The following TLE4 variants were observed in gnomAD, a reference collection of about 807,000 sequenced individuals.
The protein encoded by TLE4 is transducin-like enhancer protein 4.
TLE4 carries 8 observed loss-of-function variants against 92.8 expected under a neutral mutation model. The observed-to-expected ratio is 0.09, with a 90% CI of 0.05 to 0.16. The LOEUF (loss-of-function observed/expected upper bound fraction) is 0.16, where lower values mean the gene tolerates loss of function less well. TLE4 is among the 10% of genes least tolerant of loss of function. The pLI, the probability that TLE4 is intolerant of heterozygous loss-of-function variation, is 1.00. For missense variants in TLE4, 675 were observed against 997.6 expected (o/e 0.68, Z 4.36); for synonymous variants, 371 against 374.1 (o/e 0.99, Z 0.10).
intron 8 of TLE4, among the ~76,000 whole-genome samples, chr9:79,697,779 T>C (rs752359123): frequency 1.3e-5 from 2 of 152,138 alleles, no homozygotes; most frequent in Non-Finnish European, 2.9e-5. Context: ...AAACAGAACA[T>C]GAATGAATTA....
chr9:79,628,535 G>C (rs929755258), intron 6 of TLE4, among the ~76,000 whole-genome samples: 5 of 150,950 alleles, frequency 3.3e-5, no homozygotes, highest in African/African-American at 1.2e-4. Flanking sequence ...ATTGTAGCTT[G>C]TTTTTTAATG....
At chr9:79,632,035 T>TTC (rs1333784353) in intron 6 of TLE4, among the ~76,000 whole-genome samples, 1 of 152,168 alleles carries the variant, frequency 6.6e-6, no homozygotes, top group Non-Finnish European at 1.5e-5. Flanking sequence ...CTCAGTTCCT[T>TTC]TCTCTCTAGC....
chr9:79,704,576 T>G, intron 8 of TLE4: 2 of 590,126 alleles, frequency 3.4e-6, no homozygotes, highest in South Asian at 5.1e-5. Context: ...TCCCATTATC[T>G]TTCCCCCTTG....
At chr9:79,650,004 C>A in intron 6 of TLE4, 2 of 627,306 alleles carry the variant, frequency 3.2e-6, no homozygotes, top group Non-Finnish European at 2.3e-6. Flanking sequence ...CAGCCATGAC[C>A]TCCCTGGCTC....
intron 4 of TLE4, chr9:79,580,414 T>A (rs576968677): frequency 3.3e-5 from 5 of 152,234 alleles, no homozygotes; most frequent in Admixed American, 3.3e-4. Flanking sequence ...GCAGCTAGGA[T>A]TTGGAGAGTA....
rs543558527 is a variant in TLE4, at chr9:79,631,240, T to G, written c.390+3792T>G. Among the ~76,000 whole-genome samples, 23 of 152,294 alleles carry G rather than the reference T, an allele frequency of 1.5e-4. No homozygotes were observed. In the South Asian group the frequency reaches 4.8e-3, roughly 32 times the overall value. Reference sequence around the variant, plus strand: ...TTTCAGAATGACAGCGTAAACTGTGTTAGAGAACTCCAAGGAAGTAAAACT... The same window carrying G: ...TTTCAGAATGACAGCGTAAACTGTGGTAGAGAACTCCAAGGAAGTAAAACT... On this transcript the variant is annotated intron_variant, in intron 6 of 19. Transcript: ENST00000376552.
rs983789850 is a variant in TLE4 at position 79,573,239 on chromosome 9, C to T, written c.45+404C>T. On this transcript the variant is annotated intron_variant, in intron 1 of 19. Transcript: ENST00000376552. ...GGAAGTGCGGGGCGCCGGCCCCTCG[C>T]GCCGCGGGCCGCCGGGGCGAGCGGG... 9.4e-5 allele frequency: 95 copies of T among 1,009,558 alleles called. 2 individuals are homozygous for T. In the South Asian group the frequency reaches 2.6e-3, roughly 28 times the overall value. The allele number at this position is 1,009,558 out of a possible 1,614,324, so 62.5% of individuals were successfully genotyped here. A position where few individuals can be genotyped will look rare whatever the true frequency, so the allele number is the denominator to read the frequency against.
intron 4 of TLE4, among the ~76,000 whole-genome samples, chr9:79,588,179 C>T (rs1179588045): frequency 1.6e-5 from 2 of 125,472 alleles, no homozygotes; most frequent in African/African-American, 3.2e-5. Flanking sequence ...GATAGAGTCT[C>T]GCCCTGTTGC....
chr9:79,655,460 G>C (rs2059649144), intron 8 of TLE4, among the ~76,000 whole-genome samples: 1 of 151,834 alleles, frequency 6.6e-6, no homozygotes, highest in East Asian at 1.9e-4. Context: ...TTTTTTCAGA[G>C]CCCTTAAGTA....
chr9:79,593,892 T>A (rs2043287484), intron 4 of TLE4, among the ~76,000 whole-genome samples: 1 of 152,216 alleles, frequency 6.6e-6, no homozygotes. Flanking sequence ...TTTCTTCAAC[T>A]CCTTATAGGC....
intron 6 of TLE4, among the ~76,000 whole-genome samples, chr9:79,642,051 T>C (rs2057262959): frequency 6.6e-6 from 1 of 152,002 alleles, no homozygotes; most frequent in African/African-American, 2.4e-5. Flanking sequence ...TACACGTATA[T>C]TCTATGTAGA....
intron 5 of TLE4, among the ~76,000 whole-genome samples, chr9:79,620,185 T>C (rs776545364): frequency 1.3e-5 from 2 of 152,246 alleles, no homozygotes; most frequent in African/African-American, 4.8e-5. Flanking sequence ...GTGATTAGAT[T>C]ATTATTAGTG....
At chr9:79,599,916 T>G (rs961638072) in intron 4 of TLE4, among the ~76,000 whole-genome samples, 14 of 152,230 alleles carry the variant, frequency 9.2e-5, no homozygotes, top group African/African-American at 2.9e-4. Flanking sequence ...TTCCTCTTTA[T>G]ATACTTGTAT....
intron 8 of TLE4, among the ~76,000 whole-genome samples, chr9:79,677,202 G>A (rs1399941150): frequency 6.6e-6 from 1 of 152,080 alleles, no homozygotes; most frequent in Non-Finnish European, 1.5e-5. Context: ...CAGAGTGCCT[G>A]GCATTTTACT....
At chr9:79,681,858 GTGTGTA>G (rs770449990) in intron 8 of TLE4, among the ~76,000 whole-genome samples, 175 of 143,554 alleles carry the variant, frequency 1.2e-3, no homozygotes, top group African/African-American at 4.1e-3. Flanking sequence ...GTGTGTGTGT[GTGTGTA>G]TGTGTGTGTG....
In TLE4 at chr9:79,628,081, G is replaced by GT. The variant is rs963202799; in HGVS notation, c.390+643dup. On this transcript the variant is annotated intron_variant, in intron 6 of 19. Transcript: ENST00000376552. ...ACTTCAACTCTGCTTATATATGTAT[G>GT]TTTTTTTTTTCTCAGATTAATGTAA... Among the ~76,000 whole-genome samples, 296 of 149,286 alleles carry GT rather than the reference G, an allele frequency of 2.0e-3. 2 individuals are homozygous for GT. The highest frequency in any genetic ancestry group is 5.8e-3 in the African/African-American group (237 of 40,830).
chr9:79,624,174 A>G (rs1315180570), intron 5 of TLE4, among the ~76,000 whole-genome samples: 3 of 50,482 alleles, frequency 5.9e-5, no homozygotes, highest in Admixed American at 4.3e-4. Flanking sequence ...AAACCCGAAA[A>G]TGGAAAAAAA....
chr9:79,708,164 C>T lies in TLE4; in HGVS notation c.983C>T (p.Pro328Leu). 6.2e-7 allele frequency: 1 copy of T among 1,614,086 alleles called. No homozygotes were observed. The change falls in exon 12 of 20, where the codon CCA (proline) becomes CTA (leucine). Residue 328 changes from proline (P) to leucine (L), a missense_variant. Around this residue, in one of 5 missense-constraint regions of TLE4, gnomAD observed 280 missense variants for 287.3 expected, o/e 0.97. Transcript: ENST00000376552. ...TPVSKSNTPT[P>L]RTDAPTPGSN... ...GTCTCAAAGTCCAATACCCCTACTC[C>T]ACGAACTGATGCGCCCACCCCAGGC...
intron 8 of TLE4, among the ~76,000 whole-genome samples, chr9:79,671,743 C>G (rs1282099145): frequency 6.6e-6 from 1 of 152,014 alleles, no homozygotes; most frequent in Non-Finnish European, 1.5e-5. Flanking sequence ...TGGACTTTGA[C>G]AGAAGTATAT....
Sources: allele counts gnomAD v4.1 joint callset (sites outside exome capture counted in the v4.1 genomes callset), GRCh38; gene constraint gnomAD v4.1.1; regional missense constraint gnomAD v4.1.1; transcripts MANE v1.5; gene names NCBI Gene and HGNC (gene_info 2026-07-23, HGNC 2026-07-21).